The following PLA2R1 variants were observed in gnomAD, a reference collection of about 807,000 sequenced individuals.
PLA2R1 encodes phospholipase A2 receptor 1.
Under a neutral mutation model 195.9 loss-of-function variants are expected in PLA2R1, and 158 were observed. The ratio of observed to expected loss-of-function variants is 0.81; its 90% CI spans 0.71 to 0.92. PLA2R1 has a LOEUF of 0.92. Among genes scored for constraint, PLA2R1 ranks in the 40% least tolerant of loss-of-function variants. PLA2R1 has a pLI of 0.00. For missense variants in PLA2R1, 1,626 were observed against 1,764.6 expected (o/e 0.92, Z 1.41); for synonymous variants, 586 against 598.2 (o/e 0.98, Z 0.30).
At chr2:159,974,971 A>C (rs1689444402) in intron 17 of PLA2R1, among the ~76,000 whole-genome samples, 1 of 152,232 alleles carries the variant, frequency 6.6e-6, no homozygotes, top group Non-Finnish European at 1.5e-5. Flanking sequence ...AGAGATATAA[A>C]AAGATGATAG....
intron 6 of PLA2R1, among the ~76,000 whole-genome samples, chr2:160,026,952 GGTGAAACCCC>G: frequency 6.6e-6 from 1 of 152,144 alleles, no homozygotes; most frequent in Non-Finnish European, 1.5e-5. Flanking sequence ...TGGCCAACAT[GGTGAAACCCC>G]GTCTCTATAA....
chr2:160,027,068 T>A (rs1693568507), intron 6 of PLA2R1, among the ~76,000 whole-genome samples: 1 of 152,224 alleles, frequency 6.6e-6, no homozygotes, highest in Non-Finnish European at 1.5e-5. Flanking sequence ...AGGCGGAGGT[T>A]GCAGTGAGCC....
chr2:159,930,048 A>G (rs926505537), downstream of PLA2R1, among the ~76,000 whole-genome samples: 1 of 152,208 alleles, frequency 6.6e-6, no homozygotes, highest in Non-Finnish European at 1.5e-5. Flanking sequence ...ACCCAAAGGC[A>G]TAAGAATGAT....
chr2:159,977,385 A>C lies in PLA2R1; in HGVS notation c.2300T>G (p.Phe767Cys), dbSNP rs1489408529. The stretch of plus-strand genomic sequence containing the variant: ...AGCACAGTTTCTTGCATCTTCTCCA[A>C]AATAAGTGTTGTCTAAAAACGAAGA... ...VVSSFLDNTY[F>C]GEDARNCAVY... Residue 767 changes from phenylalanine (F) to cysteine (C), a missense_variant, in exon 15 of 30, where the codon TTT (phenylalanine) becomes TGT (cysteine). Transcript: ENST00000283243. 2 of 1,613,036 alleles carry C rather than the reference A, an allele frequency of 1.2e-6. No homozygotes were observed. The highest frequency in any genetic ancestry group is 1.7e-5 in the Admixed American group (1 of 59,980).
chr2:160,050,377 C>A (rs12470443), intron 1 of PLA2R1, among the ~76,000 whole-genome samples: 16,632 of 152,192 alleles, frequency 0.11, 1,291 homozygotes, highest in Admixed American at 0.27. Context: ...CACCCATAAA[C>A]CCTGAACCGT....
chr2:160,057,097 G>T (rs1278646083), intron 1 of PLA2R1, among the ~76,000 whole-genome samples: 1 of 152,166 alleles, frequency 6.6e-6, no homozygotes, highest in Non-Finnish European at 1.5e-5. Context: ...TAGCTAGCAT[G>T]CTGTGAAGAA....
At chr2:160,058,355 C>T (rs1167205316) in intron 1 of PLA2R1, among the ~76,000 whole-genome samples, 1 of 152,164 alleles carries the variant, frequency 6.6e-6, no homozygotes, top group East Asian at 1.9e-4. Context: ...ACACACTCAT[C>T]TGCACCCTCA....
chr2:160,020,124 A>G lies in PLA2R1; in HGVS notation c.1434T>C (p.Cys478=), dbSNP rs1693010824. Residue 478 remains cysteine, a synonymous_variant, in exon 8 of 30, where the codon TGT becomes TGC. Transcript: ENST00000283243. ...AACTTACAGACTGCTCTGCTGAGACACACAGCTGGCTTCTATTTGGAAAAA... is the reference window on the plus strand; with the variant it reads ...AACTTACAGACTGCTCTGCTGAGACGCACAGCTGGCTTCTATTTGGAAAAA... The part of the protein sequence containing the change: ...PHIFPNRSQL[C]VSAEQSEGHW... The G allele has an allele frequency of 2.5e-5, 41 of 1,613,528 alleles. No individual in the cohort carries two copies. Among genetic ancestry groups the G allele is most frequent in the Non-Finnish European group, 3.3e-5 (39 of 1,179,784 alleles).
downstream of PLA2R1, among the ~76,000 whole-genome samples, chr2:159,930,563 G>A (rs1317645159): frequency 6.6e-6 from 1 of 152,080 alleles, no homozygotes; most frequent in Non-Finnish European, 1.5e-5. Context: ...GATCCTCCTA[G>A]GGGTCTAATA....
At position 159,934,644 on chromosome 2, in the gene PLA2R1, T is replaced by A. The variant is rs749599915; in HGVS notation, c.*7134A>T. 6.6e-6 allele frequency: 1 copy of A among 152,242 alleles called. No individual in the cohort carries two copies. Among genetic ancestry groups the A allele is most frequent in the African/African-American group, 2.4e-5 (1 of 41,462 alleles). 9.4% of individuals were successfully genotyped at this position (152,242 alleles called of 1,614,324 possible). ...AAATAAAAGTGCCTTATCACCCTTT[T>A]AATATATCCAGTGGTGTCTAATATC... is the stretch of plus-strand genomic sequence containing the variant. On this transcript the variant is annotated 3_prime_UTR_variant, in exon 30 of 30. Coordinates refer to ENST00000283243, the MANE Select transcript of PLA2R1 (RefSeq NM_007366.5).
intron 1 of PLA2R1, among the ~76,000 whole-genome samples, chr2:160,045,935 C>T (rs1244521037): frequency 2.0e-5 from 3 of 152,258 alleles, no homozygotes. Context: ...TTGTGATATG[C>T]CCCTAAGCTC....
At chr2:160,027,370 A>G (rs1693590081) in intron 6 of PLA2R1, among the ~76,000 whole-genome samples, 1 of 152,162 alleles carries the variant, frequency 6.6e-6, no homozygotes, top group African/African-American at 2.4e-5. Flanking sequence ...GAAAAGGACA[A>G]TAACAGGTGG....
At chr2:159,973,673 G>A (rs1425447551) in intron 17 of PLA2R1, among the ~76,000 whole-genome samples, 4 of 152,146 alleles carry the variant, frequency 2.6e-5, no homozygotes, top group African/African-American at 9.7e-5. Context: ...AAGCTGCGTA[G>A]TCTATAGTGT....
chr2:159,947,326 T>G (rs1292192621), intron 26 of PLA2R1, 93 bp downstream of exon 26: 5 of 1,121,226 alleles, frequency 4.5e-6, no homozygotes, highest in Non-Finnish European at 6.4e-6. Context: ...CTAAAGTCAC[T>G]AAATAATGGG....
chr2:159,997,446 G>A (rs1168498022), intron 11 of PLA2R1, among the ~76,000 whole-genome samples: 1 of 152,028 alleles, frequency 6.6e-6, no homozygotes, highest in Non-Finnish European at 1.5e-5. Flanking sequence ...TCCTGAGGTG[G>A]GGCCTTGTTA....
At chr2:160,049,992 G>C (rs1355036612) in intron 1 of PLA2R1, among the ~76,000 whole-genome samples, 3 of 152,280 alleles carry the variant, frequency 2.0e-5, no homozygotes, top group Admixed American at 6.5e-5. Flanking sequence ...TCAGGATAAA[G>C]AGCTAATGCA....
chr2:160,020,720 T>C (rs2666996), intron 7 of PLA2R1, among the ~76,000 whole-genome samples: 110,262 of 152,086 alleles, frequency 0.72, 40,430 homozygotes, highest in East Asian at 0.87. Context: ...AGCAAGGAGA[T>C]CCTCTCCAGA....
chr2:160,053,720 T>G (rs1418339569), intron 1 of PLA2R1, among the ~76,000 whole-genome samples: 1 of 152,216 alleles, frequency 6.6e-6, no homozygotes, highest in African/African-American at 2.4e-5. Flanking sequence ...TGCCACTGTG[T>G]GCAGCAGGCA....
rs368831138 is a variant in PLA2R1 at position 160,000,321 on chromosome 2, A to G, written c.1834+5331T>C. On this transcript the variant is annotated intron_variant, in intron 11 of 29. Transcript: ENST00000283243. ...TAAGAAAAGAAATAACTTTCTAAAG[A>G]ATTTATAACCACAACCCAAACTTCA... 3.3e-5 allele frequency among the ~76,000 whole-genome samples: 5 copies of G among 152,330 alleles called. No homozygotes were observed. In the East Asian group the frequency reaches 7.7e-4, roughly 23 times the overall value.
Sources: allele counts gnomAD v4.1 joint callset (sites outside exome capture counted in the v4.1 genomes callset), GRCh38; gene constraint gnomAD v4.1.1; transcripts MANE v1.5; gene names NCBI Gene and HGNC (gene_info 2026-07-23, HGNC 2026-07-21).